Variants in MARCHF11 observed in about 807,000 individuals in gnomAD.
MARCHF11 encodes E3 ubiquitin-protein ligase MARCHF11.
MARCHF11 carries 29 observed loss-of-function variants against 37.3 expected under a neutral mutation model. The ratio of observed to expected loss-of-function variants is 0.78; its 90% CI spans 0.58 to 1.06. The LOEUF is 1.06. Among genes scored for constraint, MARCHF11 ranks in the 50% least tolerant of loss-of-function variants. MARCHF11 has a pLI of 0.00. For synonymous variants in MARCHF11, 233 were observed against 228.0 expected (o/e 1.02, Z -0.20); for missense variants, 482 against 533.4 (o/e 0.90, Z 0.95).
In MARCHF11 at chr5:16,150,433, G is replaced by A. The variant is rs75984423; in HGVS notation, c.693+27293C>T. Among the ~76,000 whole-genome samples the A allele has an allele frequency of 5.3e-3, 790 of 149,464 alleles. 19 individuals carry two copies. Among genetic ancestry groups the A allele is most frequent in the Admixed American group, 7.5e-3 (114 of 15,164 alleles). ...ACATAGTATGTGGTTCTACAGAACA[G>A]GCAGGGTAAATGGCCTCCATGGGCA... On this transcript the variant is annotated intron_variant, in intron 2 of 3. Coordinates refer to ENST00000332432, the MANE Select transcript of MARCHF11 (RefSeq NM_001102562.3).
chr5:16,128,581 G>T (rs1169626834), intron 2 of MARCHF11, among the ~76,000 whole-genome samples: 1 of 152,196 alleles, frequency 6.6e-6, no homozygotes, highest in Non-Finnish European at 1.5e-5. Flanking sequence ...AGAATTTAAC[G>T]TTCTTCATTA....
chr5:16,138,477 C>T (rs945920367), intron 2 of MARCHF11, among the ~76,000 whole-genome samples: 5 of 152,032 alleles, frequency 3.3e-5, no homozygotes, highest in African/African-American at 1.2e-4. Context: ...GGGGTGGAGC[C>T]CTCATGGAGA....
At chr5:16,094,878 G>C (rs563328816) in intron 2 of MARCHF11, among the ~76,000 whole-genome samples, 8 of 152,186 alleles carry the variant, frequency 5.3e-5, no homozygotes, top group Non-Finnish European at 1.5e-5. Flanking sequence ...TTTCTAAGAG[G>C]TTATTTATTT....
At chr5:16,158,576 C>T (rs1209401656) in intron 2 of MARCHF11, among the ~76,000 whole-genome samples, 3 of 151,844 alleles carry the variant, frequency 2.0e-5, no homozygotes, top group African/African-American at 7.2e-5. Flanking sequence ...ATGGTGGTTA[C>T]CAAGGGCCAA....
rs531868190 is a variant in MARCHF11 at position 16,142,883 on chromosome 5, G to T, written c.693+34843C>A. ...ACAGGCATGCGCACCACCACACCTGGCTTTTTTTTTTTTTTTTTTTTTTTT... is the reference window on the plus strand; with the variant it reads ...ACAGGCATGCGCACCACCACACCTGTCTTTTTTTTTTTTTTTTTTTTTTTT... On this transcript the variant is annotated intron_variant, in intron 2 of 3. Transcript: ENST00000332432. 4.3e-3 allele frequency among the ~76,000 whole-genome samples: 307 copies of T among 72,036 alleles called. 2 individuals carry two copies. The highest frequency in any genetic ancestry group is 5.3e-3 in the Non-Finnish European group (222 of 42,082). The allele number at this position is 72,036 out of a possible 152,430, so 47.3% of individuals were successfully genotyped here. A position where few individuals can be genotyped will look rare whatever the true frequency, so the allele number is the denominator to read the frequency against.
intron 2 of MARCHF11, among the ~76,000 whole-genome samples, chr5:16,168,676 G>A (rs2126608692): frequency 6.6e-6 from 1 of 152,142 alleles, no homozygotes; most frequent in South Asian, 2.1e-4. Flanking sequence ...CTTTCCATGG[G>A]GCTGGAGGTC....
At chr5:16,175,045 G>A (rs1579428893) in intron 2 of MARCHF11, among the ~76,000 whole-genome samples, 2 of 152,292 alleles carry the variant, frequency 1.3e-5, no homozygotes, top group African/African-American at 4.8e-5. Context: ...CCACATGGAG[G>A]GAGAACTGAC....
At chr5:16,129,343 T>C (rs1377487618) in intron 2 of MARCHF11, 4 of 152,184 alleles carry the variant, frequency 2.6e-5, no homozygotes, top group African/African-American at 9.6e-5. Flanking sequence ...CATCTTCTCA[T>C]GATTAGCAGT....
intron 2 of MARCHF11, among the ~76,000 whole-genome samples, chr5:16,103,891 A>G (rs768494760): frequency 3.3e-5 from 5 of 152,030 alleles, no homozygotes; most frequent in Non-Finnish European, 5.9e-5. Context: ...CCGAGGAACT[A>G]GGCATGTAAG....
chr5:16,141,175 CA>C (rs1737696229), intron 2 of MARCHF11: 1 of 152,154 alleles, frequency 6.6e-6, no homozygotes, highest in Admixed American at 6.6e-5. Context: ...CCCACCCTCT[CA>C]ACAGGAGGCA....
intron 2 of MARCHF11, among the ~76,000 whole-genome samples, chr5:16,143,950 G>T (rs1453241140): frequency 6.6e-6 from 1 of 152,192 alleles, no homozygotes; most frequent in Non-Finnish European, 1.5e-5. Flanking sequence ...AGGTCCAGCA[G>T]TCCCTAGCCG....
Position 16,121,510 on chromosome 5 carries a change from T to C in MARCHF11, c.694-30429A>G, listed in dbSNP as rs541462921. ...AAATATAAAATAGCAATAACTACTA[T>C]AGAGAGATTTAAAATAAGGTGAATG... On this transcript the variant is annotated intron_variant, in intron 2 of 3. Coordinates refer to ENST00000332432, the MANE Select transcript of MARCHF11 (RefSeq NM_001102562.3). 4.6e-5 allele frequency among the ~76,000 whole-genome samples: 7 copies of C among 152,136 alleles called. 1 individual carries two copies. The highest frequency in any genetic ancestry group is 1.0e-4 in the Non-Finnish European group (7 of 68,028).
At chr5:16,078,653 T>G (rs1736558960) in intron 3 of MARCHF11, among the ~76,000 whole-genome samples, 2 of 152,248 alleles carry the variant, frequency 1.3e-5, no homozygotes, top group South Asian at 4.2e-4. Flanking sequence ...AGGGGCAGGG[T>G]TCGTTCTGAA....
At chr5:16,145,788 T>G (rs1380273311) in intron 2 of MARCHF11, among the ~76,000 whole-genome samples, 2 of 152,128 alleles carry the variant, frequency 1.3e-5, no homozygotes, top group Non-Finnish European at 2.9e-5. Context: ...AATCACCATC[T>G]CCATATTTCA....
intron 2 of MARCHF11, among the ~76,000 whole-genome samples, chr5:16,168,456 G>T (rs1738206809): frequency 6.6e-6 from 1 of 152,096 alleles, no homozygotes; most frequent in Admixed American, 6.6e-5. Context: ...TGAAAACCTT[G>T]TCCAGATTTG....
intron 3 of MARCHF11, among the ~76,000 whole-genome samples, chr5:16,077,347 T>C (rs557892914): frequency 2.7e-4 from 41 of 151,602 alleles, no homozygotes; most frequent in African/African-American, 1.0e-3. Context: ...AACTGTCTAC[T>C]GCAAACTCAC....
chr5:16,139,078 C>T (rs1230497630), intron 2 of MARCHF11, among the ~76,000 whole-genome samples: 1 of 152,082 alleles, frequency 6.6e-6, no homozygotes, highest in Admixed American at 6.6e-5. Flanking sequence ...GGTTTTGAAA[C>T]ATGAGGACAT....
At chr5:16,166,820 C>T (rs140352318) in intron 2 of MARCHF11, among the ~76,000 whole-genome samples, 74 of 151,946 alleles carry the variant, frequency 4.9e-4, no homozygotes, top group Admixed American at 9.8e-4. Context: ...ATCACATGAT[C>T]CATTTTAGCA....
chr5:16,177,703 A>G, intron 2 of MARCHF11, 23 bp downstream of exon 2: 1 of 1,582,818 alleles, frequency 6.3e-7, no homozygotes, highest in Non-Finnish European at 8.6e-7. Flanking sequence ...ATTTCAGGAA[A>G]AATAAATGTT....
Sources: gnomAD v4.1 joint callset for allele counts (sites outside exome capture counted in the v4.1 genomes callset) on GRCh38, gnomAD v4.1.1 for gene constraint, MANE v1.5 for transcripts, NCBI Gene and HGNC (gene_info 2026-07-23, HGNC 2026-07-21) for gene names.